Variants in SLC22A15 observed in about 807,000 individuals in gnomAD.
The protein encoded by SLC22A15 is solute carrier family 22 member 15.
In SLC22A15, 45 loss-of-function variants were observed where a neutral mutation model predicts 62.7. The observed-to-expected ratio is 0.72, with a 90% CI of 0.56 to 0.92. The LOEUF is 0.92. SLC22A15 is among the 40% of genes least tolerant of loss of function. The pLI is 0.00. For synonymous variants in SLC22A15, 264 were observed against 267.0 expected (o/e 0.99, Z 0.11); for missense variants, 622 against 665.6 (o/e 0.93, Z 0.72).
intron 2 of SLC22A15, among the ~76,000 whole-genome samples, chr1:116,000,355 A>G (rs1655659395): frequency 6.6e-6 from 1 of 152,168 alleles, no homozygotes; most frequent in Non-Finnish European, 1.5e-5. Context: ...AAAAACAAGC[A>G]AACAAAGAGA....
Position 116,059,183 on chromosome 1 carries a change from G to A in SLC22A15, c.1172-3579G>A, listed in dbSNP as rs141751183. 4.4e-3 allele frequency among the ~76,000 whole-genome samples: 674 copies of A among 152,266 alleles called. 11 individuals are homozygous for A. The highest frequency in any genetic ancestry group is 0.015 in the African/African-American group (633 of 41,556). On this transcript the variant is annotated intron_variant, in intron 8 of 11. Coordinates refer to ENST00000369503, the MANE Select transcript of SLC22A15 (RefSeq NM_018420.3). ...TAAAATGACAAAAATTACAGAGACCGCAAGTGTTGGTGATAAAGAGGAACT... is the reference window on the plus strand; with the variant it reads ...TAAAATGACAAAAATTACAGAGACCACAAGTGTTGGTGATAAAGAGGAACT...
rs114455015 is a variant in SLC22A15 at position 116,003,935 on chromosome 1, T to C, written c.300+11692T>C. On this transcript the variant is annotated intron_variant, in intron 2 of 11. Coordinates refer to ENST00000369503, the MANE Select transcript of SLC22A15 (RefSeq NM_018420.3). ...ACTAGAGAAAGTTATATTTGTCTTATTGGAGTTCCTTCCTCAGGAAACTGA... is the reference window on the plus strand; with the variant it reads ...ACTAGAGAAAGTTATATTTGTCTTACTGGAGTTCCTTCCTCAGGAAACTGA... 8.0e-3 allele frequency among the ~76,000 whole-genome samples: 1,220 copies of C among 152,342 alleles called. 17 individuals are homozygous for C. The highest frequency in any genetic ancestry group is 0.027 in the African/African-American group (1,143 of 41,566).
intron 2 of SLC22A15, among the ~76,000 whole-genome samples, chr1:116,006,582 G>A (rs980610310): frequency 6.6e-6 from 1 of 152,032 alleles, no homozygotes; most frequent in African/African-American, 2.4e-5. Context: ...CTAAATCTTA[G>A]CCCACTGGGG....
At chr1:116,032,630 G>A (rs1657463239) in intron 6 of SLC22A15, 1 of 985,222 alleles carries the variant, frequency 1.0e-6, no homozygotes, top group African/African-American at 1.7e-5. Flanking sequence ...TTAACCAACT[G>A]CTGCTTTCCC....
intron 5 of SLC22A15, among the ~76,000 whole-genome samples, chr1:116,030,591 CTT>C (rs980246501): frequency 2.6e-5 from 4 of 152,132 alleles, no homozygotes; most frequent in African/African-American, 4.8e-5. Flanking sequence ...TTTTGAAACT[CTT>C]TGAATATATC....
intron 4 of SLC22A15, among the ~76,000 whole-genome samples, chr1:116,025,338 A>T (rs76135041): frequency 0.024 from 3,592 of 152,262 alleles, 144 homozygotes; most frequent in African/African-American, 0.083. Flanking sequence ...GCAGTGAACC[A>T]GTAGTAGCTA....
At chr1:116,052,937 T>TA (rs1478588686) in intron 8 of SLC22A15, among the ~76,000 whole-genome samples, 1 of 151,748 alleles carries the variant, frequency 6.6e-6, no homozygotes, top group Admixed American at 6.6e-5. Context: ...CAAAAGTAGA[T>TA]AAAACCACAA....
At position 116,032,053 on chromosome 1, in the gene SLC22A15, C is replaced by T. The variant is rs551641115; in HGVS notation, c.944+472C>T. The T allele has an allele frequency of 6.1e-6, 6 of 985,408 alleles. No homozygotes were observed. The East Asian group carries it at 6.8e-4, about 112-fold the overall frequency. 61.0% of individuals were successfully genotyped at this position (985,408 alleles called of 1,614,324 possible). ...TGTGGCACTCCCACTCACTAACTCA[C>T]TGAGGTGGGCTAAATATGATCCCTT... On this transcript the variant is annotated intron_variant, in intron 6 of 11. Coordinates refer to ENST00000369503, the MANE Select transcript of SLC22A15 (RefSeq NM_018420.3).
chr1:116,029,954 T>A (rs919237831), intron 5 of SLC22A15, among the ~76,000 whole-genome samples: 4 of 152,218 alleles, frequency 2.6e-5, no homozygotes, highest in African/African-American at 9.7e-5. Context: ...TCAAGTGGTT[T>A]TACGTAATAG....
At chr1:116,025,380 C>T (rs1427878717) in intron 4 of SLC22A15, among the ~76,000 whole-genome samples, 1 of 152,218 alleles carries the variant, frequency 6.6e-6, no homozygotes, top group Non-Finnish European at 1.5e-5. Context: ...GAAACTCACA[C>T]TGTCCTCATC....
At chr1:115,993,461 GTCTGTC>G (rs1655259153) in intron 2 of SLC22A15, among the ~76,000 whole-genome samples, 2 of 151,290 alleles carry the variant, frequency 1.3e-5, no homozygotes, top group Admixed American at 1.3e-4. Context: ...GTGTGTGTCT[GTCTGTC>G]TGTCTGTCTG....
intron 8 of SLC22A15, among the ~76,000 whole-genome samples, chr1:116,046,214 G>A (rs1168739121): frequency 6.6e-6 from 1 of 151,892 alleles, no homozygotes; most frequent in Non-Finnish European, 1.5e-5. Flanking sequence ...TTCTTAACTA[G>A]GACACCAAAA....
At chr1:116,059,447 T>C (rs183643617) in intron 8 of SLC22A15, among the ~76,000 whole-genome samples, 3 of 152,228 alleles carry the variant, frequency 2.0e-5, no homozygotes, top group Admixed American at 2.0e-4. Context: ...ATAAACAAAT[T>C]GTGGTATATC....
intron 8 of SLC22A15, among the ~76,000 whole-genome samples, chr1:116,045,699 A>G (rs1271110094): frequency 1.5e-5 from 2 of 137,582 alleles, no homozygotes; most frequent in Admixed American, 8.5e-5. Context: ...AGATCGTGCT[A>G]CTGCACTCCA....
At chr1:116,066,184 G>A (rs892567580) in intron 10 of SLC22A15, among the ~76,000 whole-genome samples, 2 of 152,200 alleles carry the variant, frequency 1.3e-5, no homozygotes, top group Admixed American at 1.3e-4. Flanking sequence ...ACTACAAGAT[G>A]TCCTGTCAGC....
intron 2 of SLC22A15, among the ~76,000 whole-genome samples, chr1:116,017,037 C>T (rs1360790735): frequency 6.6e-6 from 1 of 152,140 alleles, no homozygotes; most frequent in Admixed American, 6.5e-5. Flanking sequence ...TTACTGTGGC[C>T]TAACCTTGCA....
chr1:116,041,996 C>G (rs1657801033), intron 8 of SLC22A15, among the ~76,000 whole-genome samples: 1 of 151,472 alleles, frequency 6.6e-6, no homozygotes, highest in African/African-American at 2.4e-5. Context: ...AAACAAAACT[C>G]AGAAAGATCA....
chr1:116,036,757 A>G (rs775301171), intron 7 of SLC22A15, among the ~76,000 whole-genome samples: 3 of 152,222 alleles, frequency 2.0e-5, no homozygotes, highest in Admixed American at 1.3e-4. Context: ...GCTTCTTTCA[A>G]CAAAGTATGA....
At chr1:116,063,927 A>G (rs1359325476) in intron 9 of SLC22A15, among the ~76,000 whole-genome samples, 21 of 152,130 alleles carry the variant, frequency 1.4e-4, no homozygotes, top group Non-Finnish European at 2.8e-4. Flanking sequence ...GTCAATTTCT[A>G]TTTATATGAT....
Sources: gnomAD v4.1 joint callset for allele counts (sites outside exome capture counted in the v4.1 genomes callset) on GRCh38, gnomAD v4.1.1 for gene constraint, MANE v1.5 for transcripts, NCBI Gene and HGNC (gene_info 2026-07-23, HGNC 2026-07-21) for gene names.